Variants in PRRC2B observed in about 807,000 individuals in gnomAD.
PRRC2B encodes the protein proline rich coiled-coil 2B.
PRRC2B carries 68 observed loss-of-function variants against 242.3 expected under a neutral mutation model. The ratio of observed to expected loss-of-function variants is 0.28; its 90% CI spans 0.23 to 0.34. The LOEUF is 0.34. Ranked by LOEUF, PRRC2B falls within the 10% of genes least tolerant of loss-of-function variation. The probability of loss-of-function intolerance (pLI) is 1.00; values close to 1 mark genes in which losing one functional copy is unlikely to be tolerated. For missense variants in PRRC2B, 2,835 were observed against 2,954.8 expected, an observed-to-expected ratio of 0.96 and a Z score of 0.94; for synonymous variants, 1,228 against 1,173.6, an observed-to-expected ratio of 1.05 and a Z score of -0.95.
At chr9:131,469,040 C>G (rs1310736002) in intron 13 of PRRC2B, among the ~76,000 whole-genome samples, 1 of 152,104 alleles carries the variant, frequency 6.6e-6, no homozygotes, top group East Asian at 1.9e-4. Context: ...TAAGTCCTTC[C>G]TTAAGAATAG....
Position 131,465,091 on chromosome 9 carries a change from C to A in PRRC2B, c.1720+13C>A. Reference sequence around the variant, plus strand: ...GCTGTCCACAAAGGTAAGAGCTGGGCCGTCTTCCCACCAACTGGAAACCCT... The same window carrying A: ...GCTGTCCACAAAGGTAAGAGCTGGGACGTCTTCCCACCAACTGGAAACCCT... On this transcript the variant is annotated intron_variant, in intron 12 of 31. Coordinates refer to ENST00000683519, the MANE Select transcript of PRRC2B (RefSeq NM_013318.4). The A allele has an allele frequency of 6.3e-7, 1 of 1,592,376 alleles. No homozygotes were observed. The highest frequency in any genetic ancestry group is 8.6e-7 in the Non-Finnish European group (1 of 1,167,382).
At chr9:131,459,121 G>T in intron 10 of PRRC2B, 43 bp from the exon 11 acceptor site, 4 of 1,579,870 alleles carry the variant, frequency 2.5e-6, no homozygotes, top group Non-Finnish European at 3.5e-6. Flanking sequence ...AGAAATGCTT[G>T]GCCTGAGTGC....
rs1456787326 is a variant in PRRC2B at position 131,476,184 on chromosome 9, G to C, written c.4055G>C (p.Gly1352Ala). ...AAACTGTGTTCTGGGGACAAGAGTGGCACTGTGGGCCGCAGGTCCCCTGAG... is the reference window on the plus strand; with the variant it reads ...AAACTGTGTTCTGGGGACAAGAGTGCCACTGTGGGCCGCAGGTCCCCTGAG... ...RPKLCSGDKS[G>A]TVGRRSPELS... The change falls in exon 16 of 32, where the codon GGC becomes GCC. Residue 1352 changes from glycine (G) to alanine (A), a missense_variant. Around this residue, in one of 7 missense-constraint regions of PRRC2B, gnomAD observed 1,536 missense variants for 1,483.1 expected, o/e 1.04. Coordinates refer to ENST00000683519, the MANE Select transcript of PRRC2B (RefSeq NM_013318.4). 3.1e-6 allele frequency: 5 copies of C among 1,613,424 alleles called. No homozygotes were observed. In the Admixed American group the frequency reaches 8.3e-5, roughly 27 times the overall value.
chr9:131,475,306 G>T lies in PRRC2B; in HGVS notation c.3177G>T (p.Gly1059=). The change falls in exon 16 of 32, where the codon GGG becomes GGT. Residue 1059 remains glycine, a synonymous_variant. Coordinates refer to ENST00000683519, the MANE Select transcript of PRRC2B (RefSeq NM_013318.4). Reference sequence around the variant, plus strand: ...TTATTGATGAGGAGCAAGCCTTTGGGGTCAGAGGACAGGCCCGGGGCCGGG... The same window carrying T: ...TTATTGATGAGGAGCAAGCCTTTGGTGTCAGAGGACAGGCCCGGGGCCGGG... ...WIFIDEEQAF[G]VRGQARGRGR... 1 of 1,605,390 alleles carries T rather than the reference G, an allele frequency of 6.2e-7. No individual in the cohort carries two copies. Among genetic ancestry groups the T allele is most frequent in the South Asian group, 1.1e-5 (1 of 90,394 alleles).
intron 1 of PRRC2B, among the ~76,000 whole-genome samples, chr9:131,378,935 T>G (rs967708674): frequency 2.0e-5 from 3 of 152,184 alleles, no homozygotes; most frequent in Non-Finnish European, 2.9e-5. Flanking sequence ...GCCAGGCTGG[T>G]CTTGAACTCC....
chr9:131,432,331 C>T (rs1323923245), intron 2 of PRRC2B, among the ~76,000 whole-genome samples: 1 of 152,140 alleles, frequency 6.6e-6, no homozygotes, highest in Admixed American at 6.5e-5. Flanking sequence ...TGTCTCCTCA[C>T]CCATGTTGTA....
rs543493375 is a variant in PRRC2B at position 131,427,103 on chromosome 9, G to A, written c.-51-2991G>A. Among the ~76,000 whole-genome samples the A allele has an allele frequency of 1.2e-4, 18 of 152,308 alleles. No individual in the cohort carries two copies. In the South Asian group the frequency reaches 1.5e-3, roughly 12 times the overall value. On this transcript the variant is annotated intron_variant, in intron 1 of 31. Transcript: ENST00000683519. ...TATCCCTCGGCATCCATCTTCCTGC[G>A]TTCTTCATGAGCATTTCTTGATACG...
intron 1 of PRRC2B, among the ~76,000 whole-genome samples, chr9:131,402,680 G>A (rs1837256927): frequency 6.6e-6 from 1 of 152,172 alleles, no homozygotes; most frequent in Non-Finnish European, 1.5e-5. Flanking sequence ...CAGTCTGGGT[G>A]TGGGGCAGTC....
At chr9:131,448,543 CAAAAAAAA>C (rs754661321) in intron 9 of PRRC2B, among the ~76,000 whole-genome samples, 1,057 of 39,890 alleles carry the variant, frequency 0.026, 112 homozygotes, top group Middle Eastern at 0.078. Flanking sequence ...GACACTGTCT[CAAAAAAAA>C]AAAAAAAAAA....
chr9:131,464,233 C>T (rs1265935002), intron 11 of PRRC2B, among the ~76,000 whole-genome samples: 1 of 152,214 alleles, frequency 6.6e-6, no homozygotes, highest in African/African-American at 2.4e-5. Context: ...TGAGCCACTG[C>T]GCCCAGCCAA....
At chr9:131,423,771 A>C (rs930560702) in intron 1 of PRRC2B, among the ~76,000 whole-genome samples, 3 of 152,172 alleles carry the variant, frequency 2.0e-5, no homozygotes, top group Non-Finnish European at 4.4e-5. Flanking sequence ...CCACTTGTGC[A>C]GTCTTCACTG....
intron 1 of PRRC2B, among the ~76,000 whole-genome samples, chr9:131,423,409 C>T (rs1019052378): frequency 6.6e-6 from 1 of 152,166 alleles, no homozygotes; most frequent in African/African-American, 2.4e-5. Flanking sequence ...GATGGAAACT[C>T]GGCAGGTATT....
intron 9 of PRRC2B, 75 bp downstream of exon 9, chr9:131,447,879 CT>C: frequency 6.8e-7 from 1 of 1,471,322 alleles, no homozygotes; most frequent in African/African-American, 1.4e-5. Flanking sequence ...TGGAAACCCC[CT>C]GGCACCACCG....
At chr9:131,462,311 C>T (rs1381410955) in intron 11 of PRRC2B, among the ~76,000 whole-genome samples, 1 of 152,084 alleles carries the variant, frequency 6.6e-6, no homozygotes, top group Non-Finnish European at 1.5e-5. Flanking sequence ...CTTCCAGGTT[C>T]AAGCAGTCCT....
At chr9:131,396,597 A>T (rs1837066249) in intron 1 of PRRC2B, among the ~76,000 whole-genome samples, 1 of 152,114 alleles carries the variant, frequency 6.6e-6, no homozygotes, top group Non-Finnish European at 1.5e-5. Flanking sequence ...AAGTGCTGGG[A>T]TTACAGGCCT....
At chr9:131,470,348 A>G (rs1943507454) in intron 13 of PRRC2B, among the ~76,000 whole-genome samples, 1 of 152,146 alleles carries the variant, frequency 6.6e-6, no homozygotes, top group Non-Finnish European at 1.5e-5. Flanking sequence ...AGATCATCCT[A>G]GTCAAGGATG....
At position 131,467,506 on chromosome 9, in the gene PRRC2B, G is replaced by A. The variant is rs577012169; in HGVS notation, c.1721-57G>A. 3.5e-6 allele frequency: 5 copies of A among 1,417,136 alleles called. No homozygotes were observed. The African/African-American group carries it at 7.1e-5, about 20-fold the overall frequency. 87.8% of individuals were successfully genotyped at this position (1,417,136 alleles called of 1,614,324 possible). On this transcript the variant is annotated intron_variant, in intron 12 of 31. Coordinates refer to ENST00000683519, the MANE Select transcript of PRRC2B (RefSeq NM_013318.4). ...AAGAAGTACTTGTTTGTAAACACTT[G>A]GTTGGCTGAGCTTCTGTGAGCTCAC...
chr9:131,481,327 A>AG (rs1238348847), intron 19 of PRRC2B, among the ~76,000 whole-genome samples: 4 of 151,436 alleles, frequency 2.6e-5, no homozygotes, highest in East Asian at 1.9e-4. Flanking sequence ...AAAAAAAAAA[A>AG]AAAAAGAAAG....
intron 11 of PRRC2B, among the ~76,000 whole-genome samples, chr9:131,461,983 C>G (rs544399626): frequency 6.6e-6 from 1 of 152,318 alleles, no homozygotes; most frequent in African/African-American, 2.4e-5. Flanking sequence ...GACACAATGC[C>G]ACTGCTCTTG....
Sources: allele counts gnomAD v4.1 joint callset (sites outside exome capture counted in the v4.1 genomes callset), GRCh38; gene constraint gnomAD v4.1.1; regional missense constraint gnomAD v4.1.1; transcripts MANE v1.5; gene names NCBI Gene and HGNC (gene_info 2026-07-23, HGNC 2026-07-21).